The following ZC4H2 variants were observed in gnomAD, a reference collection of about 807,000 sequenced individuals.
ZC4H2 encodes the protein zinc finger C4H2 domain-containing protein.
For synonymous variants in ZC4H2, 84 were observed against 66.3 expected (o/e 1.27, Z -1.30); for missense variants, 137 against 173.9 (o/e 0.79, Z 1.19).
intron 1 of ZC4H2, among the ~76,000 whole-genome samples, chrX:64,938,374 C>T (rs1166882679): frequency 8.9e-6 from 1 of 111,909 alleles, no homozygotes; most frequent in East Asian, 2.8e-4. Context: ...CAGCTTATAC[C>T]ATTCCTTCTG....
At chrX:65,008,498 G>T (rs1325234275) in intron 1 of ZC4H2, among the ~76,000 whole-genome samples, 1 of 112,249 alleles carries the variant, frequency 8.9e-6, no homozygotes, top group African/African-American at 3.2e-5. Context: ...ATATATCAAA[G>T]AGATAACTGC....
At chrX:64,997,823 G>T (rs1052353760) in intron 1 of ZC4H2, among the ~76,000 whole-genome samples, 3 of 111,410 alleles carry the variant, frequency 2.7e-5, no homozygotes, top group Admixed American at 9.5e-5. Context: ...TCACCATATT[G>T]CTCAGGTTAG....
chrX:64,988,203 A>G (rs1453689002), intron 1 of ZC4H2, among the ~76,000 whole-genome samples: 1 of 110,653 alleles, frequency 9.0e-6, no homozygotes, highest in African/African-American at 3.3e-5. Context: ...ATACGTGTGC[A>G]TGTGTCTTTA....
intron 1 of ZC4H2, among the ~76,000 whole-genome samples, chrX:64,997,260 G>A (rs1192618735): frequency 8.9e-6 from 1 of 112,147 alleles, no homozygotes; most frequent in Non-Finnish European, 1.9e-5. Flanking sequence ...TATACTTTAA[G>A]GATGATGGCA....
chrX:64,997,721 C>A (rs1220965930), intron 1 of ZC4H2, among the ~76,000 whole-genome samples: 1 of 111,598 alleles, frequency 9.0e-6, no homozygotes, highest in Non-Finnish European at 1.9e-5. Context: ...GTTCTTCCCA[C>A]CTCGGCCTTC....
intron 1 of ZC4H2, among the ~76,000 whole-genome samples, chrX:65,013,498 A>G (rs1193537691): frequency 5.4e-5 from 6 of 110,951 alleles, no homozygotes; most frequent in Non-Finnish European, 7.5e-5. Flanking sequence ...GACTCTCTTT[A>G]TTGATTTTTT....
intron 1 of ZC4H2, among the ~76,000 whole-genome samples, chrX:64,971,771 A>C (rs1411227365): frequency 9.0e-6 from 1 of 111,684 alleles, no homozygotes; most frequent in African/African-American, 3.3e-5. Context: ...TAGAAAGAAA[A>C]AAAGAAAAGA....
chrX:64,946,443 C>T (rs1399735736), intron 1 of ZC4H2, among the ~76,000 whole-genome samples: 2 of 110,628 alleles, frequency 1.8e-5, no homozygotes. Flanking sequence ...TCTAACCAGT[C>T]CCAACGAGAG....
chrX:64,955,647 A>G (rs1464363922), intron 1 of ZC4H2, among the ~76,000 whole-genome samples: 1 of 111,918 alleles, frequency 8.9e-6, no homozygotes, highest in East Asian at 2.8e-4. Flanking sequence ...TTTTCCCAAG[A>G]TCAAAGATCA....
chrX:64,923,143 T>C (rs899584279), intron 1 of ZC4H2, among the ~76,000 whole-genome samples: 1 of 111,897 alleles, frequency 8.9e-6, no homozygotes, highest in Admixed American at 9.5e-5. Context: ...CACTGAAGAC[T>C]TGTGACATAG....
chrX:64,990,946 C>T (rs918465742), intron 1 of ZC4H2, among the ~76,000 whole-genome samples: 6 of 111,973 alleles, frequency 5.4e-5, no homozygotes, highest in Non-Finnish European at 1.1e-4. Flanking sequence ...AATATATCAG[C>T]AATCTTCTAC....
intron 1 of ZC4H2, among the ~76,000 whole-genome samples, chrX:65,013,070 G>A (rs940229492): frequency 1.7e-4 from 19 of 111,301 alleles, no homozygotes; most frequent in Non-Finnish European, 2.8e-4. Flanking sequence ...AATCTCAGGC[G>A]TGCTAGCAAC....
At chrX:64,968,115 T>TTTAATAATAGCTTTAC (rs1393620565) in intron 1 of ZC4H2, among the ~76,000 whole-genome samples, 4 of 112,449 alleles carry the variant, frequency 3.6e-5, no homozygotes, top group African/African-American at 1.3e-4. Context: ...AAAGGCTTTA[T>TTTAATAATAGCTTTAC]TTAATAACAA....
chrX:65,019,255 A>G (rs751609597), intron 1 of ZC4H2, among the ~76,000 whole-genome samples: 2 of 112,122 alleles, frequency 1.8e-5, no homozygotes, highest in South Asian at 7.5e-4. Context: ...ACCTCCCAGC[A>G]GGGGCCGAAA....
intron 1 of ZC4H2, among the ~76,000 whole-genome samples, chrX:64,966,137 A>T (rs147889934): frequency 9.0e-6 from 1 of 111,521 alleles, no homozygotes; most frequent in African/African-American, 3.3e-5. Flanking sequence ...AAATGAACAA[A>T]AGGTTTGAAT....
chrX:64,961,455 T>C (rs1174118842), intron 1 of ZC4H2, among the ~76,000 whole-genome samples: 4 of 111,189 alleles, frequency 3.6e-5, no homozygotes, highest in African/African-American at 1.3e-4. Flanking sequence ...GCCATGCCTC[T>C]ACTTGGTCAG....
chrX:65,020,233 C>A (rs774689559), intron 1 of ZC4H2, among the ~76,000 whole-genome samples: 2 of 111,189 alleles, frequency 1.8e-5, no homozygotes, highest in East Asian at 5.6e-4. Flanking sequence ...GACACATAAT[C>A]ATCAGATTCA....
chrX:64,921,628 GATAT>G (rs1454493805), intron 2 of ZC4H2, among the ~76,000 whole-genome samples, 185 bp downstream of exon 2: 1 of 111,479 alleles, frequency 9.0e-6, no homozygotes, highest in African/African-American at 3.3e-5. Context: ...CTTGTCCAGT[GATAT>G]ATAGTCAGTT....
At chrX:64,939,986 G>A (rs1456675567) in intron 1 of ZC4H2, among the ~76,000 whole-genome samples, 2 of 110,651 alleles carry the variant, frequency 1.8e-5, no homozygotes, top group African/African-American at 6.6e-5. Context: ...ATTATCAGTG[G>A]GAACAGGCAA....
Sources: gnomAD v4.1 joint callset for allele counts (sites outside exome capture counted in the v4.1 genomes callset) on GRCh38, gnomAD v4.1.1 for gene constraint, MANE v1.5 for transcripts, NCBI Gene and HGNC (gene_info 2026-07-23, HGNC 2026-07-21) for gene names.